DACT2: variants seen among roughly 807,000 people sequenced by gnomAD.
DACT2 encodes the protein dishevelled binding antagonist of beta catenin 2, also known as dapper homolog 2.
A neutral mutation model predicts 22.2 loss-of-function variants in DACT2; 20 were observed. That is an observed-to-expected ratio of 0.90 (90% CI 0.63 to 1.31). The LOEUF (loss-of-function observed/expected upper bound fraction) is 1.31. Among genes scored for constraint, DACT2 ranks in the 50% most tolerant of loss-of-function variants. DACT2 has a pLI of 0.00. For missense variants in DACT2, 1,048 were observed against 1,061.4 expected (o/e 0.99, Z 0.18); for synonymous variants, 463 against 479.8 (o/e 0.96, Z 0.46).
At position 168,307,938 on chromosome 6, in the gene DACT2, G is replaced by T. The variant is rs1381384600; in HGVS notation, c.1819C>A (p.Arg607Ser). The T allele has an allele frequency of 1.9e-6, 3 of 1,548,756 alleles. No individual in the cohort carries two copies. In the South Asian group the frequency reaches 3.6e-5, roughly 18 times the overall value. Residue 607 changes from arginine (R) to serine (S), a missense_variant, in exon 4 of 4, where the codon CGC becomes AGC. Coordinates refer to ENST00000366795, the MANE Select transcript of DACT2 (RefSeq NM_214462.5). The surrounding 1 kb of genome is among the most constrained non-coding windows in gnomAD (Gnocchi z 5.3). ...LLTSVARRKH[R>S]RWQSTVEISA... is the part of the protein sequence containing the mutation. ...ATCTCCACGGTGGACTGCCAGCGGC[G>T]ATGCTTCCTCCTGGCCACTGAGGTG...
At chr6:168,302,636 A>C (rs1018216586), downstream of DACT2, among the ~76,000 whole-genome samples, 4 of 152,232 alleles carry the variant, frequency 2.6e-5, no homozygotes, top group African/African-American at 9.6e-5. Flanking sequence ...GGTTTGCAGC[A>C]GGAGGGAGGG....
At chr6:168,314,706 C>T (rs1420118618) in intron 1 of DACT2, among the ~76,000 whole-genome samples, 1 of 152,144 alleles carries the variant, frequency 6.6e-6, no homozygotes, top group Non-Finnish European at 1.5e-5. Context: ...TGAAAAATGC[C>T]TTACTGTTCA....
downstream of DACT2, among the ~76,000 whole-genome samples, chr6:168,302,627 G>C (rs1779130749): frequency 6.6e-6 from 1 of 152,218 alleles, no homozygotes; most frequent in Non-Finnish European, 1.5e-5. Flanking sequence ...TGAGGGAAGG[G>C]TTTGCAGCAG....
At chr6:168,302,127 A>C (rs1779122308), downstream of DACT2, 1 of 152,332 alleles carries the variant, frequency 6.6e-6, no homozygotes. Flanking sequence ...AGGAAGGCCC[A>C]GTGTCAGGTA....
intron 3 of DACT2, chr6:168,294,707 G>A: frequency 6.8e-7 from 1 of 1,467,130 alleles, no homozygotes; most frequent in Admixed American, 2.4e-5. Flanking sequence ...GCACAGCTCT[G>A]GTAAGAACAA....
Position 168,311,551 on chromosome 6 carries a change from T to TACACACACACCCATAC in DACT2, c.247-268_247-267insGTATGGGTGTGTGTGT, listed in dbSNP as rs778387834. Among the ~76,000 whole-genome samples the TACACACACACCCATAC allele has an allele frequency of 6.4e-3, 625 of 97,860 alleles. 14 individuals are homozygous for TACACACACACCCATAC. Among genetic ancestry groups the TACACACACACCCATAC allele is most frequent in the African/African-American group, 0.014 (341 of 24,160 alleles). 64.2% of individuals were successfully genotyped at this position (97,860 alleles called of 152,430 possible). A position where few individuals can be genotyped will look rare whatever the true frequency, so the allele number is the denominator to read the frequency against. On this transcript the variant is annotated intron_variant, in intron 1 of 3. Coordinates refer to ENST00000366795, the MANE Select transcript of DACT2 (RefSeq NM_214462.5). Reference sequence around the variant, plus strand: ...ACACACACACCCATCCACACACACATACACACACTCACACACAAACACACA... The same window carrying TACACACACACCCATAC: ...ACACACACACCCATCCACACACACATACACACACACCCATACACACACACTCACACACAAACACACA...
intron 1 of DACT2, among the ~76,000 whole-genome samples, chr6:168,313,286 G>A (rs375247426): frequency 4.1e-4 from 63 of 152,058 alleles, no homozygotes; most frequent in African/African-American, 1.4e-3. Flanking sequence ...CTCGTGATCC[G>A]CCCGCCTCAG....
rs376391573 is a variant in DACT2 at position 168,307,433 on chromosome 6, C to T, written c.2324G>A (p.Ter775=). The change falls in exon 4 of 4, where the codon TGA becomes TAA. Residue 775 remains the stop codon, a stop_retained_variant. Transcript: ENST00000366795. The surrounding 1 kb of genome is among the most constrained non-coding windows in gnomAD (Gnocchi z 5.3). The part of the protein sequence containing the change: ...PTALKVMTMV[*] Reference sequence around the variant, plus strand: ...TTCTCTTGACGCAGTCACTGCACCTCACACCATGGTCATGACCTTCAGGGC... The same window carrying T: ...TTCTCTTGACGCAGTCACTGCACCTTACACCATGGTCATGACCTTCAGGGC... The T allele has an allele frequency of 1.5e-5, 23 of 1,551,648 alleles. No individual in the cohort carries two copies. The African/African-American group carries it at 2.3e-4, about 16-fold the overall frequency.
chr6:168,313,762 T>C (rs1034897738), intron 1 of DACT2, among the ~76,000 whole-genome samples: 29 of 152,288 alleles, frequency 1.9e-4, no homozygotes, highest in African/African-American at 6.5e-4. Flanking sequence ...GGGAAGCCCC[T>C]GCACCCCAGC....
intron 3 of DACT2, among the ~76,000 whole-genome samples, chr6:168,297,838 G>A (rs545137058): frequency 6.6e-6 from 1 of 152,356 alleles, no homozygotes; most frequent in South Asian, 2.1e-4. Flanking sequence ...CTGGTCAGTG[G>A]GGCAATGGCC....
chr6:168,314,354 C>T (rs759507130), intron 1 of DACT2, among the ~76,000 whole-genome samples: 2 of 152,138 alleles, frequency 1.3e-5, no homozygotes, highest in South Asian at 2.1e-4. Flanking sequence ...GGTATAAAGG[C>T]GCTCATACCA....
chr6:168,319,311 C>T (rs892958744), intron 1 of DACT2, 77 bp downstream of exon 1: 2 of 1,153,538 alleles, frequency 1.7e-6, no homozygotes, highest in Admixed American at 4.6e-5. Flanking sequence ...GTCCCACTAA[C>T]ACACAGTCGC....
rs1008283880 is a variant in DACT2, at chr6:168,307,931, C to A, written c.1826G>T (p.Trp609Leu). 6.5e-7 allele frequency: 1 copy of A among 1,547,716 alleles called. No individual in the cohort carries two copies. Among genetic ancestry groups the A allele is most frequent in the Non-Finnish European group, 8.7e-7 (1 of 1,146,834 alleles). The change falls in exon 4 of 4, where the codon TGG becomes TTG. Residue 609 changes from tryptophan to leucine, a missense_variant. Transcript: ENST00000366795. This position sits in a 1 kb window ranked among gnomAD's most constrained non-coding sequence, Gnocchi z 5.3. Reference sequence around the variant, plus strand: ...GGCCGAGATCTCCACGGTGGACTGCCAGCGGCGATGCTTCCTCCTGGCCAC... The same window carrying A: ...GGCCGAGATCTCCACGGTGGACTGCAAGCGGCGATGCTTCCTCCTGGCCAC... ...TSVARRKHRRWQSTVEISARA... is the reference protein window; with the variant it reads ...TSVARRKHRRLQSTVEISARA...
At chr6:168,313,328 C>T (rs1779466989) in intron 1 of DACT2, among the ~76,000 whole-genome samples, 1 of 152,222 alleles carries the variant, frequency 6.6e-6, no homozygotes, top group Non-Finnish European at 1.5e-5. Context: ...CAGGCATGAG[C>T]CACCGCGCCC....
chr6:168,304,486 T>C (rs766275363), downstream of DACT2, among the ~76,000 whole-genome samples: 1 of 152,194 alleles, frequency 6.6e-6, no homozygotes, highest in Non-Finnish European at 1.5e-5. Context: ...TTAACTGTGT[T>C]TTAAAGCATT....
chr6:168,307,944 T>A lies in DACT2; in HGVS notation c.1813A>T (p.Lys605Ter), dbSNP rs1231738370. 6.5e-7 allele frequency: 1 copy of A among 1,549,592 alleles called. No homozygotes were observed. Among genetic ancestry groups the A allele is most frequent in the Admixed American group, 2.0e-5 (1 of 51,000 alleles). The change falls in exon 4 of 4, where the codon AAG becomes TAG. Residue 605 changes from lysine (K) to a stop codon, truncating the protein, a stop_gained. Coordinates refer to ENST00000366795, the MANE Select transcript of DACT2 (RefSeq NM_214462.5). LOFTEE classifies it low-confidence loss of function (END_TRUNC). This position sits in a 1 kb window ranked among gnomAD's most constrained non-coding sequence, Gnocchi z 5.3. ...ASLLTSVARR[K>*]HRRWQSTVEI... Reference sequence around the variant, plus strand: ...ACGGTGGACTGCCAGCGGCGATGCTTCCTCCTGGCCACTGAGGTGAGCAGT... The same window carrying A: ...ACGGTGGACTGCCAGCGGCGATGCTACCTCCTGGCCACTGAGGTGAGCAGT...
At chr6:168,297,715 G>C (rs190515956) in intron 3 of DACT2, among the ~76,000 whole-genome samples, 1 of 152,374 alleles carries the variant, frequency 6.6e-6, no homozygotes, top group African/African-American at 2.4e-5. Flanking sequence ...TCTATACAGA[G>C]AGAGTCTTGC....
At chr6:168,306,849 A>C, downstream of DACT2, 1 of 978,362 alleles carries the variant, frequency 1.0e-6, no homozygotes, top group African/African-American at 1.7e-5. Flanking sequence ...ATGGGCAGGC[A>C]TGATGATTAT....
intron 1 of DACT2, 98 bp from the exon 2 acceptor site, chr6:168,311,382 A>C: frequency 2.2e-6 from 3 of 1,379,076 alleles, no homozygotes; most frequent in Admixed American, 4.9e-5. Context: ...TGCAATTTAA[A>C]CTCCCAAAGT....
Sources: gnomAD v4.1 joint callset for allele counts (sites outside exome capture counted in the v4.1 genomes callset) on GRCh38, gnomAD v4.1.1 for gene constraint, Gnocchi (gnomAD v3.1) non-coding constraint, MANE v1.5 for transcripts, NCBI Gene and HGNC (gene_info 2026-07-23, HGNC 2026-07-21) for gene names.